LSAMP: variants seen among roughly 807,000 people sequenced by gnomAD.
The protein encoded by LSAMP is limbic system-associated membrane protein.
LSAMP carries 7 observed loss-of-function variants against 38.6 expected under a neutral mutation model. The ratio of observed to expected loss-of-function variants is 0.18; its 90% CI spans 0.10 to 0.34. LSAMP has a LOEUF of 0.34. LSAMP is among the 10% of genes least tolerant of loss of function. The probability of loss-of-function intolerance (pLI) is 1.00; values close to 1 mark genes in which losing one functional copy is unlikely to be tolerated. For synonymous variants in LSAMP, 154 were observed against 166.8 expected, an observed-to-expected ratio of 0.92 and a Z score of 0.59; for missense variants, 313 against 420.0, an observed-to-expected ratio of 0.75 and a Z score of 2.23.
At chr3:116,138,651 G>A (rs149892827) in intron 1 of LSAMP, among the ~76,000 whole-genome samples, 2 of 152,108 alleles carry the variant, frequency 1.3e-5, no homozygotes, top group Non-Finnish European at 2.9e-5. Flanking sequence ...ATGCAGCAAT[G>A]AGTAGGGATC....
Position 116,185,777 on chromosome 3 carries a change from G to T in LSAMP, c.156-99221C>A, listed in dbSNP as rs903910107. ...CTTTTTAAATTCACTGTAGTGGCATGAAAGATTTCCAGGAGAAAATTATTT... is the reference window on the plus strand; with the variant it reads ...CTTTTTAAATTCACTGTAGTGGCATTAAAGATTTCCAGGAGAAAATTATTT... On this transcript the variant is annotated intron_variant, in intron 1 of 6. Coordinates refer to ENST00000490035, the MANE Select transcript of LSAMP (RefSeq NM_002338.5). Among the ~76,000 whole-genome samples the T allele has an allele frequency of 2.0e-5, 3 of 151,870 alleles. 1 individual carries two copies. Among genetic ancestry groups the T allele is most frequent in the African/African-American group, 7.2e-5 (3 of 41,426 alleles).
intron 3 of LSAMP, among the ~76,000 whole-genome samples, chr3:115,955,016 G>A (rs1938409618): frequency 6.6e-6 from 1 of 151,398 alleles, no homozygotes; most frequent in South Asian, 2.1e-4. Flanking sequence ...GTGCAGTGGC[G>A]AGATCTCGGC....
intron 1 of LSAMP, among the ~76,000 whole-genome samples, chr3:116,404,797 G>T (rs1259385655): frequency 6.6e-6 from 1 of 152,020 alleles, no homozygotes; most frequent in East Asian, 1.9e-4. Flanking sequence ...ATTTACAGGA[G>T]AAATATGGCT....
chr3:116,179,797 G>A (rs1710441354), intron 1 of LSAMP, among the ~76,000 whole-genome samples: 1 of 152,062 alleles, frequency 6.6e-6, no homozygotes, highest in African/African-American at 2.4e-5. Flanking sequence ...TTTGGGCAAG[G>A]ATAAAAATCC....
intron 1 of LSAMP, among the ~76,000 whole-genome samples, chr3:116,358,709 A>G (rs1413729513): frequency 1.3e-5 from 2 of 152,200 alleles, no homozygotes; most frequent in African/African-American, 4.8e-5. Flanking sequence ...CTACACAGAA[A>G]TGCTGACTGA....
At chr3:116,240,043 A>G (rs1468741006) in intron 1 of LSAMP, among the ~76,000 whole-genome samples, 2 of 152,192 alleles carry the variant, frequency 1.3e-5, no homozygotes, top group African/African-American at 4.8e-5. Context: ...TTAGCAACAT[A>G]ATAATTCTTC....
At chr3:116,324,487 A>G (rs1286632502) in intron 1 of LSAMP, among the ~76,000 whole-genome samples, 1 of 152,222 alleles carries the variant, frequency 6.6e-6, no homozygotes, top group Non-Finnish European at 1.5e-5. Flanking sequence ...AGAAAGACAC[A>G]GTTTCTACTC....
chr3:115,913,050 C>G (rs1312639311), intron 3 of LSAMP, among the ~76,000 whole-genome samples: 1 of 152,058 alleles, frequency 6.6e-6, no homozygotes, highest in Non-Finnish European at 1.5e-5. Flanking sequence ...AGTGGATTTC[C>G]CCAAGTTAGA....
intron 3 of LSAMP, among the ~76,000 whole-genome samples, chr3:115,937,804 TAAATGATATTGGCTAATCCTGTATGGC>T (rs1937759622): frequency 6.6e-6 from 1 of 150,494 alleles, no homozygotes; most frequent in Non-Finnish European, 1.5e-5. Flanking sequence ...TATGGCCAGC[TAAATGATATTGGCTAATCCTGTATGGC>T]CAGCTACTTC....
chr3:115,995,264 G>T (rs1435717506), intron 3 of LSAMP, among the ~76,000 whole-genome samples: 1 of 152,066 alleles, frequency 6.6e-6, no homozygotes, highest in Non-Finnish European at 1.5e-5. Context: ...CAATAGGCTT[G>T]CCCCTTCCAG....
At chr3:116,176,078 C>G (rs1446955336) in intron 1 of LSAMP, among the ~76,000 whole-genome samples, 1 of 152,064 alleles carries the variant, frequency 6.6e-6, no homozygotes, top group Non-Finnish European at 1.5e-5. Context: ...AGTCTTCTAC[C>G]TTGACAGAGC....
intron 3 of LSAMP, among the ~76,000 whole-genome samples, chr3:115,887,701 C>T (rs1936491099): frequency 6.6e-6 from 1 of 151,830 alleles, no homozygotes; most frequent in Non-Finnish European, 1.5e-5. Flanking sequence ...AATGAATTAT[C>T]AGTTTAGCAG....
At chr3:116,379,034 C>T (rs1462310983) in intron 1 of LSAMP, among the ~76,000 whole-genome samples, 9 of 144,976 alleles carry the variant, frequency 6.2e-5, no homozygotes, top group Non-Finnish European at 9.2e-5. Context: ...CACACACACA[C>T]GAGTCCTACC....
At chr3:116,012,303 C>T (rs2107677399) in intron 3 of LSAMP, among the ~76,000 whole-genome samples, 1 of 152,026 alleles carries the variant, frequency 6.6e-6, no homozygotes, top group East Asian at 1.9e-4. Context: ...TGTGTAACTC[C>T]TCTCTGTTGC....
intron 1 of LSAMP, among the ~76,000 whole-genome samples, chr3:116,282,949 AC>A: frequency 6.6e-6 from 1 of 152,094 alleles, no homozygotes; most frequent in Non-Finnish European, 1.5e-5. Flanking sequence ...GGTGCTTCTT[AC>A]CCTCATCCTG....
At chr3:115,863,625 TCTTA>T (rs1287543296) in intron 3 of LSAMP, among the ~76,000 whole-genome samples, 1 of 151,872 alleles carries the variant, frequency 6.6e-6, no homozygotes, top group Non-Finnish European at 1.5e-5. Context: ...ATGTTAACAA[TCTTA>T]CTTCTGGGTT....
intron 1 of LSAMP, among the ~76,000 whole-genome samples, chr3:116,134,136 G>A (rs1305533372): frequency 1.3e-5 from 2 of 151,786 alleles, no homozygotes; most frequent in East Asian, 3.9e-4. Flanking sequence ...AGTTATTATT[G>A]GTTTAAAAAA....
At chr3:116,444,811 A>ACAC in intron 1 of LSAMP, 66 bp downstream of exon 1, 1 of 713,292 alleles carries the variant, frequency 1.4e-6, no homozygotes, top group South Asian at 5.5e-5. Context: ...CACACACACA[A>ACAC]ACACACACAC....
At chr3:116,188,952 C>T (rs1710690005) in intron 1 of LSAMP, among the ~76,000 whole-genome samples, 1 of 152,178 alleles carries the variant, frequency 6.6e-6, no homozygotes, top group African/African-American at 2.4e-5. Flanking sequence ...ATTGATCAGT[C>T]ATGCATTTTA....
Sources: allele counts gnomAD v4.1 joint callset (sites outside exome capture counted in the v4.1 genomes callset), GRCh38; gene constraint gnomAD v4.1.1; transcripts MANE v1.5; gene names NCBI Gene and HGNC (gene_info 2026-07-23, HGNC 2026-07-21).